The following TRPC4 variants were observed in gnomAD, a reference collection of about 807,000 sequenced individuals.
TRPC4 encodes transient receptor potential cation channel subfamily C member 4.
TRPC4 carries 49 observed loss-of-function variants against 99.4 expected under a neutral mutation model. The ratio of observed to expected loss-of-function variants is 0.49; its 90% CI spans 0.39 to 0.63. The LOEUF (loss-of-function observed/expected upper bound fraction) is 0.63. Ranked by LOEUF, TRPC4 falls within the 20% of genes least tolerant of loss-of-function variation. TRPC4 has a pLI of 0.00. For synonymous variants in TRPC4, 454 were observed against 425.9 expected (o/e 1.07, Z -0.81); for missense variants, 898 against 1,152.9 (o/e 0.78, Z 3.20).
intron 1 of TRPC4, among the ~76,000 whole-genome samples, chr13:37,859,936 G>A (rs1418961939): frequency 2.0e-5 from 3 of 151,004 alleles, no homozygotes; most frequent in African/African-American, 7.3e-5. Flanking sequence ...ACATGTGTTG[G>A]TGCATAGAAA....
chr13:37,768,086 C>T (rs1566156419), intron 2 of TRPC4, among the ~76,000 whole-genome samples: 1 of 151,300 alleles, frequency 6.6e-6, no homozygotes, highest in Non-Finnish European at 1.5e-5. Flanking sequence ...AGAAAAACTC[C>T]ATAAAGAAGA....
intron 2 of TRPC4, among the ~76,000 whole-genome samples, chr13:37,750,923 C>A (rs191975247): frequency 6.6e-6 from 1 of 151,978 alleles, no homozygotes; most frequent in South Asian, 2.1e-4. Flanking sequence ...AGATGGATTT[C>A]TAATCTTCAC....
chr13:37,807,146 G>A (rs1957547699), intron 1 of TRPC4, among the ~76,000 whole-genome samples: 1 of 151,950 alleles, frequency 6.6e-6, no homozygotes, highest in Non-Finnish European at 1.5e-5. Flanking sequence ...ACTTCAAATT[G>A]AGCCAGATGC....
At chr13:37,816,723 G>A (rs1424611084) in intron 1 of TRPC4, among the ~76,000 whole-genome samples, 1 of 151,818 alleles carries the variant, frequency 6.6e-6, no homozygotes, top group Non-Finnish European at 1.5e-5. Flanking sequence ...TGGTACATAT[G>A]CAAATCAATA....
chr13:37,673,296 T>A (rs898812420), intron 5 of TRPC4, among the ~76,000 whole-genome samples: 1 of 152,036 alleles, frequency 6.6e-6, no homozygotes, highest in African/African-American at 2.4e-5. Flanking sequence ...TATGGCTGCA[T>A]CCAACTTCAG....
intron 1 of TRPC4, among the ~76,000 whole-genome samples, chr13:37,793,698 G>A (rs1177153717): frequency 5.9e-5 from 9 of 152,020 alleles, no homozygotes; most frequent in Admixed American, 5.9e-4. Flanking sequence ...GTTATTGTGT[G>A]CCATGTGATC....
intron 6 of TRPC4, 141 bp downstream of exon 6, chr13:37,663,275 G>A (rs1952514362): frequency 1.5e-6 from 1 of 676,996 alleles, no homozygotes; most frequent in Non-Finnish European, 2.3e-6. Context: ...TCAAAGCCAT[G>A]TTAATTCTGT....
rs2138486727 is a variant in TRPC4 at position 37,632,499 on chromosome 13, CTA to C, written c.*4402_*4403del. 6.6e-6 allele frequency among the ~76,000 whole-genome samples: 1 copy of C among 152,258 alleles called. No individual in the cohort carries two copies. The highest frequency in any genetic ancestry group is 2.1e-4 in the South Asian group (1 of 4,826). On this transcript the variant is annotated 3_prime_UTR_variant, in exon 11 of 11. Coordinates refer to ENST00000379705, the MANE Select transcript of TRPC4 (RefSeq NM_016179.4). ...ATTAATAGCCGTATGAGTATAGGAG[CTA>C]CGTTACTGAACAGTGCAGCTCTAGA...
At chr13:37,807,732 G>C (rs9576357) in intron 1 of TRPC4, among the ~76,000 whole-genome samples, 45,347 of 151,794 alleles carry the variant, frequency 0.3, 6,917 homozygotes, top group East Asian at 0.43. Flanking sequence ...ACTTAAAAAT[G>C]TTTCCATCCT....
At chr13:37,821,592 A>G (rs1461623284) in intron 1 of TRPC4, among the ~76,000 whole-genome samples, 2 of 152,184 alleles carry the variant, frequency 1.3e-5, no homozygotes, top group African/African-American at 2.4e-5. Context: ...CTGAAACAGC[A>G]TTGAACTGGT....
chr13:37,789,330 G>A (rs981685669), intron 1 of TRPC4, among the ~76,000 whole-genome samples: 3 of 152,056 alleles, frequency 2.0e-5, no homozygotes, highest in East Asian at 1.9e-4. Flanking sequence ...AACTCCTGCC[G>A]GGTTTTAAAA....
chr13:37,691,270 T>A (rs1953693644), intron 4 of TRPC4, among the ~76,000 whole-genome samples: 1 of 152,022 alleles, frequency 6.6e-6, no homozygotes, highest in African/African-American at 2.4e-5. Context: ...CCCGGCTAAT[T>A]TCTTTTTGAA....
At chr13:37,846,203 G>T (rs150698501) in intron 1 of TRPC4, among the ~76,000 whole-genome samples, 273 of 151,934 alleles carry the variant, frequency 1.8e-3, no homozygotes, top group African/African-American at 6.3e-3. Context: ...TGAGATGAAA[G>T]GCTACTAATG....
In TRPC4 at chr13:37,779,411, A is replaced by C. The variant is rs1418959460; in HGVS notation, c.378+3545T>G. ...TCCTATGGGAAAGAAATAAGCTATT[A>C]CTCTTCTCATTAAAAAAAAAAACCC... On this transcript the variant is annotated intron_variant, in intron 2 of 10. Coordinates refer to ENST00000379705, the MANE Select transcript of TRPC4 (RefSeq NM_016179.4). Among the ~76,000 whole-genome samples the C allele has an allele frequency of 3.3e-5, 5 of 150,532 alleles. No individual in the cohort carries two copies. The East Asian group carries it at 7.9e-4, about 24-fold the overall frequency.
rs556805540 is a variant in TRPC4 at position 37,785,142 on chromosome 13, T to G, written c.-27-1782A>C. ...CAAGGAGAATTTAATATTCCCCCAA[T>G]ATCACTAAAACTTGAGTTAAAGCAA... is the stretch of plus-strand genomic sequence containing the variant. On this transcript the variant is annotated intron_variant, in intron 1 of 10. Transcript: ENST00000379705. 4.6e-5 allele frequency among the ~76,000 whole-genome samples: 7 copies of G among 152,262 alleles called. No homozygotes were observed. The East Asian group carries it at 7.7e-4, about 17-fold the overall frequency.
At chr13:37,706,699 A>G (rs969182445) in intron 3 of TRPC4, among the ~76,000 whole-genome samples, 14 of 150,928 alleles carry the variant, frequency 9.3e-5, no homozygotes, top group Non-Finnish European at 1.9e-4. Context: ...TCATTGTTCA[A>G]TTCCCACCTA....
At chr13:37,678,691 T>C (rs1435803680) in intron 4 of TRPC4, among the ~76,000 whole-genome samples, 3 of 152,032 alleles carry the variant, frequency 2.0e-5, no homozygotes, top group African/African-American at 7.2e-5. Flanking sequence ...GAAAAAATAA[T>C]ACTAGTGCTA....
At chr13:37,753,933 A>G (rs1956022671) in intron 2 of TRPC4, among the ~76,000 whole-genome samples, 1 of 152,090 alleles carries the variant, frequency 6.6e-6, no homozygotes, top group Admixed American at 6.6e-5. Context: ...CTGGTTTTCC[A>G]GGGAAGCCGA....
chr13:37,834,963 G>A (rs1379651535), intron 1 of TRPC4, among the ~76,000 whole-genome samples: 1 of 151,980 alleles, frequency 6.6e-6, no homozygotes, highest in Non-Finnish European at 1.5e-5. Flanking sequence ...TTGAACTCCT[G>A]GCCTCAAGTG....
Sources: allele counts gnomAD v4.1 joint callset (sites outside exome capture counted in the v4.1 genomes callset), GRCh38; gene constraint gnomAD v4.1.1; transcripts MANE v1.5; gene names NCBI Gene and HGNC (gene_info 2026-07-23, HGNC 2026-07-21).